UBE3D: variants seen among roughly 807,000 people sequenced by gnomAD.
UBE3D encodes the protein E3 ubiquitin-protein ligase E3D.
A neutral mutation model predicts 49.6 loss-of-function variants in UBE3D; 48 were observed. That is an observed-to-expected ratio of 0.97 (90% CI 0.77 to 1.23). UBE3D has a LOEUF of 1.23. Among genes scored for constraint, UBE3D ranks in the 50% most tolerant of loss-of-function variants. The probability of loss-of-function intolerance (pLI) is 0.00; values close to 1 mark genes in which losing one functional copy is unlikely to be tolerated. For missense variants in UBE3D, 452 were observed against 468.4 expected (o/e 0.96, Z 0.32); for synonymous variants, 189 against 174.2 (o/e 1.08, Z -0.67).
In UBE3D at chr6:82,985,406, AGGCTGGAGTGCAGTGGTGCAATCTC is replaced by A. The variant is rs1262819718; in HGVS notation, c.1011-27981_1011-27957del. ...GAGATGGAATCTCTTTCTGTTGCCCAGGCTGGAGTGCAGTGGTGCAATCTCGGCTCACTACAACCTCTGCCTCCCA... is the reference window on the plus strand; with the variant it reads ...GAGATGGAATCTCTTTCTGTTGCCCAGGCTCACTACAACCTCTGCCTCCCA... On this transcript the variant is annotated intron_variant, in intron 8 of 9. Coordinates refer to ENST00000369747, the MANE Select transcript of UBE3D (RefSeq NM_198920.3). Among the ~76,000 whole-genome samples the A allele has an allele frequency of 2.0e-5, 3 of 152,032 alleles. No individual in the cohort carries two copies. The East Asian group carries it at 5.8e-4, about 30-fold the overall frequency.
intron 5 of UBE3D, 190 bp downstream of exon 5, chr6:83,038,226 A>G (rs1782407123): frequency 3.9e-6 from 2 of 515,678 alleles, no homozygotes; most frequent in Non-Finnish European, 6.7e-6. Flanking sequence ...AATACTCTGT[A>G]TTTATGAAGG....
At chr6:83,059,267 T>C (rs1440139961) in intron 1 of UBE3D, among the ~76,000 whole-genome samples, 1 of 152,198 alleles carries the variant, frequency 6.6e-6, no homozygotes, top group East Asian at 1.9e-4. Context: ...CACGCACCTG[T>C]AGTCCTAGCC....
chr6:82,954,263 T>C (rs146376617), intron 9 of UBE3D, among the ~76,000 whole-genome samples: 8 of 152,334 alleles, frequency 5.3e-5, no homozygotes, highest in African/African-American at 1.9e-4. Flanking sequence ...CTTAGCAATA[T>C]GTCAGTGAAT....
At chr6:82,903,540 G>A (rs7744090) in intron 9 of UBE3D, among the ~76,000 whole-genome samples, 28 of 152,006 alleles carry the variant, frequency 1.8e-4, no homozygotes, top group African/African-American at 6.8e-4. Flanking sequence ...CAGTAAAAAC[G>A]ATTATGACTT....
intron 9 of UBE3D, among the ~76,000 whole-genome samples, chr6:82,942,852 C>A (rs563747051): frequency 6.6e-6 from 1 of 152,364 alleles, no homozygotes; most frequent in South Asian, 2.1e-4. Context: ...TGAGCCCCCA[C>A]ACAGAGTACC....
chr6:83,065,746 A>T lies in UBE3D; in HGVS notation c.-28T>A. 6.3e-7 allele frequency: 1 copy of T among 1,598,612 alleles called. No individual in the cohort carries two copies. The highest frequency in any genetic ancestry group is 8.5e-7 in the Non-Finnish European group (1 of 1,172,612). On this transcript the variant is annotated 5_prime_UTR_variant, in exon 1 of 10. Transcript: ENST00000369747. ...CAGGCTTCCAGTCCCAGACCGGACCAAGCTGGAGGTTCCGAGGGGCCCGGG... is the reference window on the plus strand; with the variant it reads ...CAGGCTTCCAGTCCCAGACCGGACCTAGCTGGAGGTTCCGAGGGGCCCGGG...
At position 82,920,526 on chromosome 6, in the gene UBE3D, T is replaced by G. The variant is rs897132857; in HGVS notation, c.1150-27484A>C. Among the ~76,000 whole-genome samples the G allele has an allele frequency of 1.4e-4, 21 of 152,240 alleles. 1 individual carries two copies. The highest frequency in any genetic ancestry group is 3.6e-4 in the African/African-American group (15 of 41,474). On this transcript the variant is annotated intron_variant, in intron 9 of 9. Coordinates refer to ENST00000369747, the MANE Select transcript of UBE3D (RefSeq NM_198920.3). ...TTTCCTTGATGACCCAAGGTCAACA[T>G]TATGAATTACCTGTTCATTGTGTGA...
At chr6:83,011,319 A>G (rs1780322723) in intron 8 of UBE3D, among the ~76,000 whole-genome samples, 1 of 152,086 alleles carries the variant, frequency 6.6e-6, no homozygotes, top group Admixed American at 6.5e-5. Context: ...ACCTGGTCGT[A>G]GCTGGTATTG....
At chr6:83,065,575 A>G in intron 1 of UBE3D, 67 bp downstream of exon 1, 1 of 1,491,630 alleles carries the variant, frequency 6.7e-7, no homozygotes, top group Non-Finnish European at 9.3e-7. Flanking sequence ...AGAGAGACTC[A>G]CCAGCCCCCG....
chr6:82,892,944 C>A lies in UBE3D; in HGVS notation c.*78G>T. 5 of 1,547,176 alleles carry A rather than the reference C, an allele frequency of 3.2e-6. No homozygotes were observed. Among genetic ancestry groups the A allele is most frequent in the Non-Finnish European group, 4.5e-6 (5 of 1,120,128 alleles). The stretch of plus-strand genomic sequence containing the variant: ...GTTCTTGTCTTTGTAATTGATGCCT[C>A]CTGAGCTGACTGCTGGCCTCGGTGT... On this transcript the variant is annotated 3_prime_UTR_variant, in exon 10 of 10. Transcript: ENST00000369747.
intron 8 of UBE3D, among the ~76,000 whole-genome samples, chr6:82,967,513 C>A (rs1187412258): frequency 6.6e-6 from 1 of 152,142 alleles, no homozygotes; most frequent in African/African-American, 2.4e-5. Context: ...CTAATCTGTT[C>A]TTCATCTCTA....
At chr6:83,004,619 T>C (rs950777287) in intron 8 of UBE3D, among the ~76,000 whole-genome samples, 1 of 152,326 alleles carries the variant, frequency 6.6e-6, no homozygotes, top group Admixed American at 6.5e-5. Context: ...AATAATAATG[T>C]TCTTTAGGAT....
intron 9 of UBE3D, among the ~76,000 whole-genome samples, chr6:82,909,940 G>C (rs1206129386): frequency 5.3e-5 from 8 of 152,142 alleles, no homozygotes; most frequent in Admixed American, 5.2e-4. Flanking sequence ...AGTGATCTTG[G>C]GGGACTAGAA....
chr6:82,987,007 T>C (rs1778566998), intron 8 of UBE3D, among the ~76,000 whole-genome samples: 1 of 151,870 alleles, frequency 6.6e-6, no homozygotes, highest in African/African-American at 2.4e-5. Flanking sequence ...TCCAGTGGCA[T>C]GATCAAGGCT....
chr6:82,960,414 AC>A (rs1307424261), intron 8 of UBE3D, among the ~76,000 whole-genome samples: 1 of 151,816 alleles, frequency 6.6e-6, no homozygotes, highest in African/African-American at 2.4e-5. Context: ...TCCATAATCC[AC>A]TATTGTCTTA....
At chr6:82,995,837 C>T (rs998698248) in intron 8 of UBE3D, among the ~76,000 whole-genome samples, 4 of 151,974 alleles carry the variant, frequency 2.6e-5, no homozygotes, top group Non-Finnish European at 4.4e-5. Flanking sequence ...GAGGCCAAGG[C>T]GGGTGGATAA....
chr6:83,060,537 T>C (rs1784108980), intron 1 of UBE3D, among the ~76,000 whole-genome samples: 1 of 152,186 alleles, frequency 6.6e-6, no homozygotes, highest in South Asian at 2.1e-4. Flanking sequence ...CATACACACA[T>C]ACCCTAGTTC....
At chr6:82,983,099 C>T (rs1778221611) in intron 8 of UBE3D, among the ~76,000 whole-genome samples, 1 of 151,838 alleles carries the variant, frequency 6.6e-6, no homozygotes, top group Non-Finnish European at 1.5e-5. Flanking sequence ...GATCCTCCTG[C>T]CTCAGCCTCC....
chr6:82,953,375 C>T (rs1775935508), intron 9 of UBE3D, among the ~76,000 whole-genome samples: 1 of 152,210 alleles, frequency 6.6e-6, no homozygotes, highest in African/African-American at 2.4e-5. Flanking sequence ...TCGAGTTTTT[C>T]TCATTTGTAC....
Sources: allele counts gnomAD v4.1 joint callset (sites outside exome capture counted in the v4.1 genomes callset), GRCh38; gene constraint gnomAD v4.1.1; transcripts MANE v1.5; gene names NCBI Gene and HGNC (gene_info 2026-07-23, HGNC 2026-07-21).